The following PLCB4 variants were observed in gnomAD, a reference collection of about 807,000 sequenced individuals.
The protein encoded by PLCB4 is phospholipase C beta 4, also known as 1-phosphatidylinositol 4,5-bisphosphate phosphodiesterase beta-4.
In PLCB4, 77 loss-of-function variants were observed where a neutral mutation model predicts 178.8. The ratio of observed to expected loss-of-function variants is 0.43; its 90% confidence interval spans 0.36 to 0.52. PLCB4 has a LOEUF of 0.52. Among genes scored for constraint, PLCB4 ranks in the 20% least tolerant of loss-of-function variants. The pLI, the probability that PLCB4 is intolerant of heterozygous loss-of-function variation, is 0.00. For missense variants in PLCB4, 1,024 were observed against 1,453.4 expected (o/e 0.70, Z 4.80); for synonymous variants, 496 against 490.8 (o/e 1.01, Z -0.14).
intron 1 of PLCB4, among the ~76,000 whole-genome samples, chr20:9,082,626 A>G (rs6077483): frequency 0.49 from 74,162 of 152,060 alleles, 18,592 homozygotes; most frequent in Middle Eastern, 0.57. Context: ...TTTAGTTATT[A>G]CAGCTTTTCA....
At chr20:9,160,661 C>T (rs2092873192) in intron 2 of PLCB4, among the ~76,000 whole-genome samples, 1 of 152,106 alleles carries the variant, frequency 6.6e-6, no homozygotes, top group African/African-American at 2.4e-5. Flanking sequence ...AGAATAGTTA[C>T]AAGCTGTTTT....
chr20:9,445,329 T>C (rs1336110770), intron 32 of PLCB4, among the ~76,000 whole-genome samples: 2 of 152,216 alleles, frequency 1.3e-5, no homozygotes, highest in South Asian at 2.1e-4. Flanking sequence ...AACTTCTGAG[T>C]TCTTTTAAAC....
chr20:9,393,769 G>T, intron 18 of PLCB4, 91 bp downstream of exon 18: 1 of 833,174 alleles, frequency 1.2e-6, no homozygotes, highest in Non-Finnish European at 2.0e-6. Context: ...TAAAACCACT[G>T]ATTTTTGGGG....
chr20:9,292,683 C>T (rs2094590530), intron 3 of PLCB4, among the ~76,000 whole-genome samples: 1 of 152,156 alleles, frequency 6.6e-6, no homozygotes, highest in South Asian at 2.1e-4. Flanking sequence ...TGGTTTTAGC[C>T]TGCAGCAGGC....
At chr20:9,446,406 C>T (rs1032301999) in intron 32 of PLCB4, among the ~76,000 whole-genome samples, 2 of 152,168 alleles carry the variant, frequency 1.3e-5, no homozygotes, top group African/African-American at 4.8e-5. Context: ...TGTTGATATA[C>T]TGCTGATTAT....
chr20:9,224,018 G>T (rs532278813), intron 3 of PLCB4, among the ~76,000 whole-genome samples: 5 of 152,118 alleles, frequency 3.3e-5, no homozygotes, highest in Admixed American at 3.3e-4. Flanking sequence ...TTTCCATTTC[G>T]TACTTTTGGA....
At chr20:9,171,442 A>T (rs1351447087) in intron 2 of PLCB4, among the ~76,000 whole-genome samples, 1 of 152,212 alleles carries the variant, frequency 6.6e-6, no homozygotes, top group Admixed American at 6.5e-5. Context: ...AATTAAAACC[A>T]GAGACCATAT....
intron 10 of PLCB4, 82 bp downstream of exon 10, chr20:9,371,377 T>A (rs1160798390): frequency 1.4e-5 from 10 of 718,716 alleles, no homozygotes; most frequent in Non-Finnish European, 2.4e-5. Flanking sequence ...ATTATTTATA[T>A]TAAACTGATC....
chr20:9,408,205 A>ATCT, intron 22 of PLCB4, 147 bp downstream of exon 22: 1 of 688,386 alleles, frequency 1.5e-6, no homozygotes, highest in South Asian at 1.9e-5. Context: ...AGACCATAGA[A>ATCT]GCCACCTTGG....
intron 7 of PLCB4, among the ~76,000 whole-genome samples, chr20:9,346,925 C>T (rs1051651020): frequency 6.6e-6 from 1 of 152,164 alleles, no homozygotes; most frequent in South Asian, 2.1e-4. Flanking sequence ...CCCATGACCA[C>T]CTTTTTCCTC....
intron 7 of PLCB4, among the ~76,000 whole-genome samples, chr20:9,345,401 C>T (rs182527884): frequency 8.5e-4 from 130 of 152,198 alleles, no homozygotes; most frequent in African/African-American, 2.0e-3. Flanking sequence ...GTTTTTTCCT[C>T]GCTCAGAATA....
chr20:9,413,640 CAG>C, intron 25 of PLCB4, among the ~76,000 whole-genome samples: 1 of 134,332 alleles, frequency 7.4e-6, no homozygotes, highest in South Asian at 2.4e-4. Context: ...GCCTGGGTGA[CAG>C]AGCAAGACTC....
intron 2 of PLCB4, among the ~76,000 whole-genome samples, chr20:9,213,151 T>A (rs1347058779): frequency 3.0e-5 from 4 of 133,730 alleles, no homozygotes; most frequent in African/African-American, 1.4e-4. Flanking sequence ...TTTTTTTTTT[T>A]TTTTTTTAGA....
chr20:9,208,090 T>C (rs1255809183), intron 2 of PLCB4, among the ~76,000 whole-genome samples: 2 of 152,222 alleles, frequency 1.3e-5, no homozygotes, highest in Non-Finnish European at 2.9e-5. Flanking sequence ...CACCATCTTG[T>C]GCTGTATAAT....
intron 30 of PLCB4, among the ~76,000 whole-genome samples, chr20:9,439,662 G>A (rs2041993055): frequency 6.6e-6 from 1 of 152,172 alleles, no homozygotes; most frequent in Non-Finnish European, 1.5e-5. Flanking sequence ...TAGCACACAG[G>A]ACCCTGGTGA....
intron 2 of PLCB4, among the ~76,000 whole-genome samples, chr20:9,154,791 TCTTTC>T (rs1243809140): frequency 1.5e-5 from 2 of 135,972 alleles, no homozygotes; most frequent in African/African-American, 2.8e-5. Flanking sequence ...TTCCTTTCCC[TCTTTC>T]CTTTCCTTTC....
At chr20:9,198,390 C>T (rs2093499614) in intron 2 of PLCB4, among the ~76,000 whole-genome samples, 1 of 152,158 alleles carries the variant, frequency 6.6e-6, no homozygotes, top group African/African-American at 2.4e-5. Flanking sequence ...GGTAGGTTGG[C>T]ATCTATTAAA....
chr20:9,119,766 G>A (rs558820093), intron 2 of PLCB4, among the ~76,000 whole-genome samples: 7 of 152,206 alleles, frequency 4.6e-5, no homozygotes, highest in Non-Finnish European at 8.8e-5. Context: ...TAGTGTTTAC[G>A]CAGTACGGTA....
At chr20:9,344,101 A>G (rs1324172369) in intron 7 of PLCB4, among the ~76,000 whole-genome samples, 1 of 151,938 alleles carries the variant, frequency 6.6e-6, no homozygotes, top group Non-Finnish European at 1.5e-5. Flanking sequence ...ACTGCTCAGA[A>G]CCCTCCAAGG....
Sources: allele counts gnomAD v4.1 joint callset (sites outside exome capture counted in the v4.1 genomes callset), GRCh38; gene constraint gnomAD v4.1.1; transcripts MANE v1.5; gene names NCBI Gene and HGNC (gene_info 2026-07-23, HGNC 2026-07-21).